MPHOSPH10: variants seen among roughly 807,000 people sequenced by gnomAD.
The protein encoded by MPHOSPH10 is M-phase phosphoprotein 10.
A neutral mutation model predicts 77.3 loss-of-function variants in MPHOSPH10; 33 were observed. The observed-to-expected ratio is 0.43, with a 90% CI of 0.32 to 0.57. The LOEUF (loss-of-function observed/expected upper bound fraction) is 0.57, where lower values mean the gene tolerates loss of function less well. Ranked by LOEUF, MPHOSPH10 falls within the 20% of genes least tolerant of loss-of-function variation. The pLI is 0.07. For synonymous variants in MPHOSPH10, 245 were observed against 268.0 expected, an observed-to-expected ratio of 0.91 and a Z score of 0.84; for missense variants, 708 against 780.1, an observed-to-expected ratio of 0.91 and a Z score of 1.10.
chr2:71,149,630 C>G (rs1673782991), intron 10 of MPHOSPH10, among the ~76,000 whole-genome samples, 177 bp downstream of exon 10: 1 of 152,210 alleles, frequency 6.6e-6, no homozygotes, highest in African/African-American at 2.4e-5. Context: ...ATGTAGGGTC[C>G]TCACAATAAC....
At chr2:71,142,114 T>C (rs1228822059) in intron 7 of MPHOSPH10, among the ~76,000 whole-genome samples, 2 of 152,238 alleles carry the variant, frequency 1.3e-5, no homozygotes, top group African/African-American at 2.4e-5. Flanking sequence ...TATGCTGATA[T>C]AATAATCGAA....
Position 71,149,431 on chromosome 2 carries a change from C to T in MPHOSPH10, c.1874C>T (p.Thr625Ile). 2.5e-6 allele frequency: 4 copies of T among 1,613,666 alleles called. No homozygotes were observed. The highest frequency in any genetic ancestry group is 2.2e-5 in the East Asian group (1 of 44,896). The change falls in exon 10 of 11, where the codon ACT (threonine) becomes ATT (isoleucine). Residue 625 changes from threonine to isoleucine, a missense_variant. By Grantham distance (89) the Thr-to-Ile change is moderately conservative. Around this residue, in one of 3 missense-constraint regions of MPHOSPH10, gnomAD observed 263 missense variants for 320.0 expected, o/e 0.82. Transcript: ENST00000244230. ...ASEKLKQLTK[T>I]GKASFIKDEG... is the part of the protein sequence containing the mutation. ...GAGAAGTTAAAACAGCTGACCAAAA[C>T]TGGCAAAGCTTCCTTCATAAAGGTA...
At chr2:71,137,572 T>C (rs1398707472) in intron 4 of MPHOSPH10, among the ~76,000 whole-genome samples, 1 of 151,206 alleles carries the variant, frequency 6.6e-6, no homozygotes, top group Non-Finnish European at 1.5e-5. Context: ...GGTAAGAGGA[T>C]TGCTTGAGCC....
At chr2:71,145,713 T>C (rs1673692978) in intron 8 of MPHOSPH10, among the ~76,000 whole-genome samples, 1 of 152,154 alleles carries the variant, frequency 6.6e-6, no homozygotes, top group Non-Finnish European at 1.5e-5. Context: ...TTTCTGGGCC[T>C]TACCTGTGTG....
intron 1 of MPHOSPH10, among the ~76,000 whole-genome samples, chr2:71,132,050 A>G (rs996422202): frequency 5.3e-5 from 8 of 152,174 alleles, no homozygotes; most frequent in African/African-American, 1.9e-4. Flanking sequence ...CTAGGCTGCT[A>G]CTTTAATGTC....
intron 4 of MPHOSPH10, among the ~76,000 whole-genome samples, chr2:71,135,756 G>C (rs1485000393): frequency 7.0e-6 from 1 of 143,632 alleles, no homozygotes; most frequent in African/African-American, 2.6e-5. Context: ...AGGCTGGAGT[G>C]CAGTGGCGTG....
At chr2:71,148,237 A>G (rs1673755411) in intron 9 of MPHOSPH10, 131 bp downstream of exon 9, 2 of 709,538 alleles carry the variant, frequency 2.8e-6, no homozygotes. Context: ...GTTTCTAAGT[A>G]TAAGCAAACT....
At position 71,133,164 on chromosome 2, in the gene MPHOSPH10, G is replaced by C; in HGVS notation, c.356G>C (p.Gly119Ala). ...ESEEQEREEDGSEIEADDKED... is the reference protein window; with the variant it reads ...ESEEQEREEDASEIEADDKED... ...GAAGAACAGGAACGTGAAGAGGATG[G>C]TTCAGAGATAGAGGCTGATGACAAG... The change falls in exon 2 of 11, where the codon GGT (glycine) becomes GCT (alanine). Residue 119 changes from glycine to alanine, a missense_variant. Coordinates refer to ENST00000244230, the MANE Select transcript of MPHOSPH10 (RefSeq NM_005791.3). 1.2e-6 allele frequency: 2 copies of C among 1,614,164 alleles called. No individual in the cohort carries two copies. Among genetic ancestry groups the C allele is most frequent in the Non-Finnish European group, 1.7e-6 (2 of 1,180,022 alleles).
chr2:71,139,627 T>G (rs930372019), intron 5 of MPHOSPH10, among the ~76,000 whole-genome samples, 168 bp from the exon 6 acceptor site: 64 of 152,216 alleles, frequency 4.2e-4, no homozygotes, highest in African/African-American at 1.5e-3. Context: ...AAAGCACAGA[T>G]AGCTGTCCCT....
In MPHOSPH10 at chr2:71,138,626, G is replaced by T; in HGVS notation, c.1235G>T (p.Arg412Leu). 1 of 1,614,132 alleles carries T rather than the reference G, an allele frequency of 6.2e-7. No homozygotes were observed. The highest frequency in any genetic ancestry group is 1.1e-5 in the South Asian group (1 of 91,054). The part of the protein sequence containing the change: ...EETLHFDHAV[R>L]MAPVITEETT... The stretch of plus-strand genomic sequence containing the variant: ...ACCCTACACTTTGACCATGCTGTCC[G>T]GATGGGTATGGTGCCCTCTTCTGTA... The change falls in exon 5 of 11, where the codon CGG becomes CTG. Residue 412 changes from arginine to leucine, a missense_variant. Physicochemically the swap from Arg to Leu is moderately radical, Grantham distance 102 (BLOSUM62 -2). Coordinates refer to ENST00000244230, the MANE Select transcript of MPHOSPH10 (RefSeq NM_005791.3).
At chr2:71,143,598 G>A (rs1219446810) in intron 7 of MPHOSPH10, among the ~76,000 whole-genome samples, 3 of 152,056 alleles carry the variant, frequency 2.0e-5, no homozygotes, top group Non-Finnish European at 2.9e-5. Flanking sequence ...AGCCCCATAC[G>A]CATTAAGCAG....
In MPHOSPH10 at chr2:71,136,848, C is replaced by CTTTTTT. The variant is rs60456435; in HGVS notation, c.1099-1630_1099-1625dup. 6.6e-4 allele frequency among the ~76,000 whole-genome samples: 78 copies of CTTTTTT among 118,632 alleles called. 5 individuals are homozygous for CTTTTTT. The highest frequency in any genetic ancestry group is 2.3e-3 in the African/African-American group (71 of 30,884). The allele number at this position is 118,632 out of a possible 152,430, so 77.8% of individuals were successfully genotyped here. A position where few individuals can be genotyped will look rare whatever the true frequency, so the allele number is the denominator to read the frequency against. On this transcript the variant is annotated intron_variant, in intron 4 of 10. Transcript: ENST00000244230. Reference sequence around the variant, plus strand: ...TAAAGAATAAAGTAGAACTTTCAACCTTTTTTTTTTTTTTTTTGAAACTGT... The same window carrying CTTTTTT: ...TAAAGAATAAAGTAGAACTTTCAACCTTTTTTTTTTTTTTTTTTTTTTTGAAACTGT...
At chr2:71,149,723 C>A in intron 10 of MPHOSPH10, 143 bp from the exon 11 acceptor site, 1 of 777,354 alleles carries the variant, frequency 1.3e-6, no homozygotes, top group Non-Finnish European at 2.1e-6. Flanking sequence ...TACCTCTATG[C>A]TAACTGATTC....
chr2:71,130,953 T>G, intron 1 of MPHOSPH10, 199 bp downstream of exon 1: 1 of 572,382 alleles, frequency 1.7e-6, no homozygotes, highest in South Asian at 2.2e-5. Flanking sequence ...ATCTCTCAGT[T>G]GAGTGTTACT....
chr2:71,146,616 G>A (rs1261498348), intron 8 of MPHOSPH10, among the ~76,000 whole-genome samples: 13 of 152,112 alleles, frequency 8.5e-5, no homozygotes, highest in Admixed American at 8.5e-4. Flanking sequence ...GGGATTACAG[G>A]CGTGAGTTAC....
chr2:71,141,569 A>G lies in MPHOSPH10; in HGVS notation c.1446+200A>G, dbSNP rs138095143. Among the ~76,000 whole-genome samples the G allele has an allele frequency of 1.8e-3, 281 of 152,306 alleles. 1 individual carries two copies. Among genetic ancestry groups the G allele is most frequent in the Non-Finnish European group, 3.1e-3 (208 of 68,038 alleles). On this transcript the variant is annotated intron_variant, in intron 7 of 10. Transcript: ENST00000244230. ...GAGGGGTTGAGGGGGGTTGCTTTGC[A>G]ATTAGACTTTGGTCACCTGATACTT...
At chr2:71,142,927 G>C (rs1249878673) in intron 7 of MPHOSPH10, among the ~76,000 whole-genome samples, 1 of 152,076 alleles carries the variant, frequency 6.6e-6, no homozygotes, top group Non-Finnish European at 1.5e-5. Context: ...TAGGCATTTA[G>C]AATAAGCATT....
In MPHOSPH10 at chr2:71,134,764, A is replaced by C. The variant is rs775772856; in HGVS notation, c.1065A>C (p.Glu355Asp). 1.4e-5 allele frequency: 23 copies of C among 1,596,648 alleles called. No homozygotes were observed. Among genetic ancestry groups the C allele is most frequent in the Non-Finnish European group, 2.0e-5 (23 of 1,173,062 alleles). ...TAAATGTAAAGAAAAATTCTGATGAAGTTAAATCCTCCTTTGAAAAAAGAC... is the reference window on the plus strand; with the variant it reads ...TAAATGTAAAGAAAAATTCTGATGACGTTAAATCCTCCTTTGAAAAAAGAC... ...GVLNVKKNSD[E>D]VKSSFEKRQE... Residue 355 changes from glutamate (E) to aspartate (D), a missense_variant, in exon 4 of 11, where the codon GAA becomes GAC. Transcript: ENST00000244230.
intron 7 of MPHOSPH10, among the ~76,000 whole-genome samples, chr2:71,143,760 C>T (rs1361164152): frequency 1.3e-5 from 2 of 152,208 alleles, no homozygotes; most frequent in Non-Finnish European, 2.9e-5. Context: ...GTTGTGTTTT[C>T]AAGACTGGCA....
Sources: allele counts gnomAD v4.1 joint callset (sites outside exome capture counted in the v4.1 genomes callset), GRCh38; gene constraint gnomAD v4.1.1; regional missense constraint gnomAD v4.1.1; transcripts MANE v1.5; gene names NCBI Gene and HGNC (gene_info 2026-07-23, HGNC 2026-07-21).